Variants in PPEF1 observed in about 807,000 individuals in gnomAD.
PPEF1 encodes protein phosphatase with EF-hand domain 1.
Under a neutral mutation model 53.3 loss-of-function variants are expected in PPEF1, and 12 were observed. The observed-to-expected ratio is 0.23, with a 90% CI of 0.14 to 0.36. PPEF1 has a LOEUF of 0.36. Ranked by LOEUF, PPEF1 falls within the 10% of genes least tolerant of loss-of-function variation. The probability of loss-of-function intolerance (pLI) is 1.00; values close to 1 mark genes in which losing one functional copy is unlikely to be tolerated. For synonymous variants in PPEF1, 165 were observed against 176.7 expected (o/e 0.93, Z 0.52); for missense variants, 334 against 490.4 (o/e 0.68, Z 3.01).
chrX:18,736,543 G>A (rs1378372683), intron 3 of PPEF1, among the ~76,000 whole-genome samples: 1 of 111,866 alleles, frequency 8.9e-6, no homozygotes, highest in Non-Finnish European at 1.9e-5. Context: ...GTATTTTATT[G>A]AGGATTTTTG....
In PPEF1 at chrX:18,687,961, T is replaced by C. The variant is rs1300651096; in HGVS notation, c.-426+1730T>C. Reference sequence around the variant, plus strand: ...GCCTTGGCCTCCCAAAGAGCTGGGATTACAGGTGTGAGCTACAGCGCCCGG... The same window carrying C: ...GCCTTGGCCTCCCAAAGAGCTGGGACTACAGGTGTGAGCTACAGCGCCCGG... On this transcript the variant is annotated intron_variant, in intron 3 of 21. Coordinates refer to the PPEF1 transcript ENST00000361511. Among the ~76,000 whole-genome samples the C allele has an allele frequency of 3.6e-5, 4 of 111,683 alleles. No individual in the cohort carries two copies. The East Asian group carries it at 1.1e-3, about 31-fold the overall frequency.
intron 3 of PPEF1, among the ~76,000 whole-genome samples, chrX:18,736,079 G>T (rs1338446535): frequency 2.7e-5 from 3 of 111,441 alleles, no homozygotes; most frequent in Admixed American, 9.6e-5. Context: ...TGCAAACAGG[G>T]ACAATTTGAC....
chrX:18,730,134 G>A, intron 1 of PPEF1, 47 bp from the exon 2 acceptor site: 2 of 1,169,973 alleles, frequency 1.7e-6, no homozygotes, highest in Non-Finnish European at 2.3e-6. Context: ...CCTAACAGGT[G>A]CATAGTAACT....
At position 18,784,009 on chromosome X, in the gene PPEF1, C is replaced by T. The variant is rs2046149440; in HGVS notation, c.873C>T (p.Thr291=). The part of the protein sequence containing the change: ...ILVIHGGISE[T]TDLNLLHRVE... ...TCATCCATGGTGGGATATCAGAGACCACAGACTTGAATTTACTCCACCGTG... is the reference window on the plus strand; with the variant it reads ...TCATCCATGGTGGGATATCAGAGACTACAGACTTGAATTTACTCCACCGTG... The change falls in exon 9 of 16, where the codon ACC becomes ACT. Residue 291 remains threonine (T), a synonymous_variant. Transcript: ENST00000470157. 8.3e-7 allele frequency: 1 copy of T among 1,206,631 alleles called. No individual in the cohort carries two copies. Among genetic ancestry groups the T allele is most frequent in the South Asian group, 1.8e-5 (1 of 56,069 alleles).
intron 10 of PPEF1, among the ~76,000 whole-genome samples, chrX:18,793,583 A>G (rs1007644820): frequency 1.8e-5 from 2 of 110,951 alleles, no homozygotes; most frequent in Non-Finnish European, 3.8e-5. Flanking sequence ...AGTGTTTTAT[A>G]TATGTCTCTT....
At chrX:18,679,364 C>G (rs1928794144), upstream of PPEF1, among the ~76,000 whole-genome samples, 1 of 112,252 alleles carries the variant, frequency 8.9e-6, no homozygotes, top group African/African-American at 3.2e-5. Context: ...AGGCGTGAGC[C>G]ACCGTGCCTG....
intron 6 of PPEF1, among the ~76,000 whole-genome samples, chrX:18,762,802 A>G (rs906048321): frequency 4.5e-5 from 5 of 111,509 alleles, no homozygotes; most frequent in African/African-American, 1.3e-4. Context: ...TGGCTTCTTT[A>G]CTGCAACTGT....
At chrX:18,756,096 C>T (rs985052382) in intron 4 of PPEF1, among the ~76,000 whole-genome samples, 9 of 110,393 alleles carry the variant, frequency 8.2e-5, no homozygotes, top group East Asian at 2.8e-4. Flanking sequence ...CTAGGGGAGA[C>T]GGAAAATGAC....
At chrX:18,779,248 A>G in intron 7 of PPEF1, 72 bp downstream of exon 7, 1 of 983,300 alleles carries the variant, frequency 1.0e-6, no homozygotes, top group Non-Finnish European at 1.4e-6. Context: ...TTTAATTCCT[A>G]ATAGAGATAG....
At chrX:18,824,383 C>T (rs1320372646) in intron 14 of PPEF1, among the ~76,000 whole-genome samples, 2 of 109,441 alleles carry the variant, frequency 1.8e-5, no homozygotes, top group African/African-American at 6.6e-5. Context: ...GAGGTTGCAG[C>T]GAGCCAGGAT....
chrX:18,774,969 C>G (rs908645678), intron 6 of PPEF1, among the ~76,000 whole-genome samples: 2 of 110,479 alleles, frequency 1.8e-5, no homozygotes, highest in African/African-American at 6.6e-5. Context: ...AGAAAATGTT[C>G]TCTCATATTT....
chrX:18,822,179 C>T (rs192180595), intron 13 of PPEF1, among the ~76,000 whole-genome samples: 3 of 111,799 alleles, frequency 2.7e-5, no homozygotes, highest in Non-Finnish European at 5.6e-5. Flanking sequence ...ACATGCTAAC[C>T]GTGCGGTGCT....
intron 3 of PPEF1, among the ~76,000 whole-genome samples, chrX:18,742,526 T>G (rs1225849213): frequency 9.0e-6 from 1 of 111,455 alleles, no homozygotes; most frequent in Non-Finnish European, 1.9e-5. Context: ...TCAAATGGTT[T>G]TAATCACATG....
At chrX:18,803,362 G>A (rs1252038723) in intron 10 of PPEF1, among the ~76,000 whole-genome samples, 2 of 112,751 alleles carry the variant, frequency 1.8e-5, no homozygotes, top group Non-Finnish European at 3.7e-5. Context: ...ACCTTCCAGC[G>A]TGGGCGTTAT....
chrX:18,737,156 C>A (rs890344969), intron 3 of PPEF1, among the ~76,000 whole-genome samples: 1 of 111,221 alleles, frequency 9.0e-6, no homozygotes, highest in Non-Finnish European at 1.9e-5. Context: ...AGTTATTTCT[C>A]GCCTTCTGCT....
chrX:18,827,628 A>T lies in PPEF1; in HGVS notation c.*141A>T. On this transcript the variant is annotated 3_prime_UTR_variant, in exon 16 of 16. Coordinates refer to ENST00000470157, the MANE Select transcript of PPEF1 (RefSeq NM_001377996.1). ...TTCATCCCACAAACAGATGCATAGT[A>T]TGGGTTTTGGAAGTCCCTAGCAAGC... 3 of 504,249 alleles carry T rather than the reference A, an allele frequency of 5.9e-6. No individual in the cohort carries two copies. The highest frequency in any genetic ancestry group is 3.5e-5 in the South Asian group (1 of 28,629). 41.6% of individuals were successfully genotyped at this position (504,249 alleles called of 1,213,427 possible).
chrX:18,781,214 TG>T (rs1284859420), intron 7 of PPEF1, among the ~76,000 whole-genome samples: 2 of 110,298 alleles, frequency 1.8e-5, no homozygotes, highest in Admixed American at 9.7e-5. Context: ...TTGGGTAAGC[TG>T]ATTTGAGGTA....
At chrX:18,747,464 T>C (rs1344663555) in intron 3 of PPEF1, among the ~76,000 whole-genome samples, 2 of 112,239 alleles carry the variant, frequency 1.8e-5, no homozygotes, top group Non-Finnish European at 3.8e-5. Context: ...AGGCATGCTT[T>C]AAGCTATGCT....
chrX:18,763,399 A>G (rs2045706694), intron 6 of PPEF1, among the ~76,000 whole-genome samples: 1 of 109,205 alleles, frequency 9.2e-6, no homozygotes, highest in Non-Finnish European at 1.9e-5. Flanking sequence ...CCTAGACAAA[A>G]CTCTTGGTGG....
Sources: gnomAD v4.1 joint callset for allele counts (sites outside exome capture counted in the v4.1 genomes callset) on GRCh38, gnomAD v4.1.1 for gene constraint, MANE v1.5 for transcripts, NCBI Gene and HGNC (gene_info 2026-07-23, HGNC 2026-07-21) for gene names.